DTNB: variants seen among roughly 807,000 people sequenced by gnomAD.
The protein encoded by DTNB is DTN-B.
Under a neutral mutation model 90.7 loss-of-function variants are expected in DTNB, and 63 were observed. That is an observed-to-expected ratio of 0.69 (90% CI 0.57 to 0.86). The LOEUF is 0.86. Among genes scored for constraint, DTNB ranks in the 40% least tolerant of loss-of-function variants. DTNB has a pLI of 0.00. For missense variants in DTNB, 744 were observed against 807.1 expected (o/e 0.92, Z 0.95); for synonymous variants, 277 against 286.7 (o/e 0.97, Z 0.34).
At chr2:25,551,175 A>G (rs1293522448) in intron 8 of DTNB, among the ~76,000 whole-genome samples, 1 of 152,118 alleles carries the variant, frequency 6.6e-6, no homozygotes, top group Non-Finnish European at 1.5e-5. Flanking sequence ...AGCCCATCCA[A>G]TGAGTTTACT....
intron 15 of DTNB, among the ~76,000 whole-genome samples, chr2:25,421,758 A>G (rs1467170235): frequency 1.3e-5 from 2 of 152,244 alleles, no homozygotes; most frequent in African/African-American, 4.8e-5. Flanking sequence ...GTTTGGTATT[A>G]AAGAGAACAC....
intron 9 of DTNB, among the ~76,000 whole-genome samples, chr2:25,504,084 A>G (rs533781662): frequency 6.6e-6 from 1 of 152,154 alleles, no homozygotes; most frequent in Non-Finnish European, 1.5e-5. Flanking sequence ...TCTGGCCAAC[A>G]TGGTGAAACC....
At chr2:25,405,901 G>A (rs1293657510) in intron 16 of DTNB, among the ~76,000 whole-genome samples, 1 of 152,256 alleles carries the variant, frequency 6.6e-6, no homozygotes, top group East Asian at 1.9e-4. Context: ...GGAGACAGGG[G>A]TTCTATCAAT....
chr2:25,603,604 G>A (rs902391684), intron 5 of DTNB, among the ~76,000 whole-genome samples: 5 of 151,978 alleles, frequency 3.3e-5, no homozygotes, highest in African/African-American at 7.2e-5. Context: ...AATAAAAAAG[G>A]TAGAGAGGAG....
At chr2:25,416,953 TTA>T (rs1266355144) in intron 16 of DTNB, among the ~76,000 whole-genome samples, 1 of 152,194 alleles carries the variant, frequency 6.6e-6, no homozygotes, top group Non-Finnish European at 1.5e-5. Flanking sequence ...TTCTAAAGCT[TTA>T]TAGTCTCTTC....
At position 25,455,259 on chromosome 2, in the gene DTNB, C is replaced by G. The variant is rs145313763; in HGVS notation, c.1169+146G>C. The G allele has an allele frequency of 1.0e-3, 722 of 719,042 alleles. 4 individuals are homozygous for G. The Admixed American group carries it at 0.018, about 18-fold the overall frequency. 44.5% of individuals were successfully genotyped at this position (719,042 alleles called of 1,614,324 possible). ...TCTTGTAGAAGCTAATGCTTAGCAA[C>G]TATTTTAACTCTGCCAAACATAGCT... On this transcript the variant is annotated intron_variant, in intron 11 of 20. Transcript: ENST00000406818.
chr2:25,493,348 T>A (rs958268515), intron 9 of DTNB, among the ~76,000 whole-genome samples: 1 of 152,234 alleles, frequency 6.6e-6, no homozygotes, highest in Non-Finnish European at 1.5e-5. Flanking sequence ...CTATGTTACT[T>A]CTGAAATTAT....
chr2:25,574,157 T>A (rs1467620707), intron 8 of DTNB, among the ~76,000 whole-genome samples: 2 of 152,128 alleles, frequency 1.3e-5, no homozygotes, highest in Non-Finnish European at 2.9e-5. Context: ...CCAACAAGAA[T>A]AGGAAAAAAG....
intron 8 of DTNB, among the ~76,000 whole-genome samples, chr2:25,574,550 C>T (rs1318743989): frequency 6.6e-6 from 1 of 152,206 alleles, no homozygotes; most frequent in Non-Finnish European, 1.5e-5. Context: ...TGGTTAAACA[C>T]ACACTTAAAC....
intron 10 of DTNB, among the ~76,000 whole-genome samples, chr2:25,462,281 C>A (rs1177560422): frequency 6.6e-6 from 1 of 151,992 alleles, no homozygotes; most frequent in African/African-American, 2.4e-5. Flanking sequence ...TCTGTAGGGA[C>A]AGGGAGCAAG....
intron 8 of DTNB, among the ~76,000 whole-genome samples, chr2:25,556,932 A>G (rs1008443352): frequency 2.6e-5 from 4 of 152,248 alleles, no homozygotes; most frequent in Non-Finnish European, 5.9e-5. Context: ...TAAGAGTCTC[A>G]GACCAAAGAC....
rs1028126724 is a variant in DTNB at position 25,650,280 on chromosome 2, G to A, written c.67+2314C>T. ...TTTACTAACATGGAAGTTTCATGAA[G>A]TGAAGTCAGGGACTGTGTTTTGTTC... On this transcript the variant is annotated intron_variant, in intron 2 of 20. Coordinates refer to ENST00000406818, the MANE Select transcript of DTNB (RefSeq NM_021907.5). The A allele has an allele frequency of 1.0e-5, 10 of 978,246 alleles. No homozygotes were observed. The African/African-American group carries it at 1.4e-4, about 14-fold the overall frequency. 60.6% of individuals were successfully genotyped at this position (978,246 alleles called of 1,614,324 possible). A position where few individuals can be genotyped will look rare whatever the true frequency, so the allele number is the denominator to read the frequency against.
rs768304008 is a variant in DTNB, at chr2:25,427,515, C to A, written c.1554+20G>T. 1.2e-6 allele frequency: 2 copies of A among 1,611,288 alleles called. No individual in the cohort carries two copies. Among genetic ancestry groups the A allele is most frequent in the African/African-American group, 1.3e-5 (1 of 74,820 alleles). On this transcript the variant is annotated intron_variant, in intron 15 of 20. Transcript: ENST00000406818. ...TGGGAGAAGAATGACAAGAACTGAG[C>A]GTGGGCCACGGGCTCTTACCTTCAG... is the stretch of plus-strand genomic sequence containing the variant.
At chr2:25,471,128 T>C (rs757425631) in intron 10 of DTNB, among the ~76,000 whole-genome samples, 3 of 151,950 alleles carry the variant, frequency 2.0e-5, no homozygotes, top group Non-Finnish European at 4.4e-5. Flanking sequence ...TGAGAAAAAA[T>C]AGTACTGTCC....
At chr2:25,427,116 T>G (rs1395711252) in intron 15 of DTNB, among the ~76,000 whole-genome samples, 1 of 150,040 alleles carries the variant, frequency 6.7e-6, no homozygotes. Context: ...AGGCGGAGGT[T>G]CCAGTGAGCC....
At chr2:25,604,453 C>A (rs2066634767) in intron 5 of DTNB, among the ~76,000 whole-genome samples, 1 of 151,926 alleles carries the variant, frequency 6.6e-6, no homozygotes, top group South Asian at 2.1e-4. Context: ...ACTACCCAGG[C>A]TGCAGTGCAG....
chr2:25,527,147 C>T (rs2077331437), intron 9 of DTNB, among the ~76,000 whole-genome samples: 2 of 152,130 alleles, frequency 1.3e-5, no homozygotes, highest in African/African-American at 4.8e-5. Flanking sequence ...GATACATTTA[C>T]AGCCTTAAAT....
intron 16 of DTNB, among the ~76,000 whole-genome samples, chr2:25,418,280 C>T (rs2048466081): frequency 6.6e-6 from 1 of 152,224 alleles, no homozygotes; most frequent in Non-Finnish European, 1.5e-5. Flanking sequence ...CTCCTCCCCT[C>T]ACTACTGATC....
intron 10 of DTNB, among the ~76,000 whole-genome samples, chr2:25,480,422 A>T (rs937539322): frequency 1.4e-4 from 21 of 152,234 alleles, no homozygotes; most frequent in African/African-American, 5.1e-4. Flanking sequence ...TATCTGAAGC[A>T]GCTTTCAAAA....
Sources: gnomAD v4.1 joint callset for allele counts (sites outside exome capture counted in the v4.1 genomes callset) on GRCh38, gnomAD v4.1.1 for gene constraint, MANE v1.5 for transcripts, NCBI Gene and HGNC (gene_info 2026-07-23, HGNC 2026-07-21) for gene names.